The following MYH11 variants were observed in gnomAD, a reference collection of about 807,000 sequenced individuals.
The protein encoded by MYH11 is myosin-11.
A neutral mutation model predicts 246.6 loss-of-function variants in MYH11; 80 were observed. That is an observed-to-expected ratio of 0.32 (90% confidence interval 0.27 to 0.39). The LOEUF (loss-of-function observed/expected upper bound fraction) is 0.39, where lower values mean the gene tolerates loss of function less well. MYH11 is among the 10% of genes least tolerant of loss of function. The pLI, the probability that MYH11 is intolerant of heterozygous loss-of-function variation, is 1.00. For missense variants in MYH11, 2,158 were observed against 2,546.8 expected, an observed-to-expected ratio of 0.85 and a Z score of 3.29; for synonymous variants, 1,071 against 1,015.5, an observed-to-expected ratio of 1.05 and a Z score of -1.04.
intron 7 of MYH11, 87 bp from the exon 8 acceptor site, chr16:15,776,263 T>G: frequency 1.1e-6 from 1 of 893,748 alleles, no homozygotes; most frequent in South Asian, 1.3e-5. Flanking sequence ...CCAATTCACA[T>G]GGGATGACTT....
intron 1 of MYH11, among the ~76,000 whole-genome samples, chr16:15,845,577 G>A (rs1268252762): frequency 3.9e-5 from 6 of 152,138 alleles, no homozygotes; most frequent in Admixed American, 2.0e-4. Context: ...GATACGACGC[G>A]TCTTCTTTTA....
chr16:15,753,827 T>C (rs1249713780), intron 14 of MYH11, among the ~76,000 whole-genome samples: 1 of 152,094 alleles, frequency 6.6e-6, no homozygotes, highest in Non-Finnish European at 1.5e-5. Flanking sequence ...TTATACACTA[T>C]TAAGAGATTT....
At chr16:15,828,665 C>T (rs999077855) in intron 2 of MYH11, among the ~76,000 whole-genome samples, 8 of 150,460 alleles carry the variant, frequency 5.3e-5, no homozygotes, top group African/African-American at 1.2e-4. Context: ...TGATGGCAGG[C>T]GCCTGTAATC....
chr16:15,748,013 C>G, intron 17 of MYH11, 34 bp downstream of exon 17: 1 of 1,614,212 alleles, frequency 6.2e-7, no homozygotes, highest in Non-Finnish European at 8.5e-7. Flanking sequence ...CCCGCTCACC[C>G]CCTGCCCTAC....
At position 15,724,644 on chromosome 16, in the gene MYH11, C is replaced by A; in HGVS notation, c.4116+3G>T. On this transcript the variant is annotated splice_donor_region_variant and intron_variant, in intron 30 of 40. Coordinates refer to ENST00000300036, the MANE Select transcript of MYH11 (RefSeq NM_002474.3). Reference sequence around the variant, plus strand: ...GAAGGAAGCAAGGACACGGGGCAGGCACCTGGATGTTGAGAGTGGAGATGT... The same window carrying A: ...GAAGGAAGCAAGGACACGGGGCAGGAACCTGGATGTTGAGAGTGGAGATGT... The A allele has an allele frequency of 6.2e-7, 1 of 1,613,944 alleles. No individual in the cohort carries two copies. Among genetic ancestry groups the A allele is most frequent in the Non-Finnish European group, 8.5e-7 (1 of 1,180,022 alleles).
intron 20 of MYH11, among the ~76,000 whole-genome samples, chr16:15,744,517 A>G (rs943240455): frequency 6.7e-6 from 1 of 149,078 alleles, no homozygotes; most frequent in Non-Finnish European, 1.5e-5. Context: ...AAAAAAAAAG[A>G]AAGAAGAGAC....
intron 2 of MYH11, among the ~76,000 whole-genome samples, chr16:15,826,327 A>G (rs2043564362): frequency 6.6e-6 from 1 of 151,892 alleles, no homozygotes; most frequent in African/African-American, 2.4e-5. Context: ...GTGGCTCACA[A>G]CTGTAATCCC....
chr16:15,785,898 AGG>A (rs199835683), intron 5 of MYH11: 213 of 159,940 alleles, frequency 1.3e-3, no homozygotes, highest in African/African-American at 4.8e-3. Context: ...GCTCTTCCAC[AGG>A]TCTGGAAGCT....
At chr16:15,800,475 G>T (rs2042856502) in intron 3 of MYH11, among the ~76,000 whole-genome samples, 1 of 149,848 alleles carries the variant, frequency 6.7e-6, no homozygotes, top group Admixed American at 6.6e-5. Context: ...TGGGTAGATG[G>T]GTGGGTATAT....
intron 34 of MYH11, 83 bp downstream of exon 34, chr16:15,720,068 G>T: frequency 6.3e-7 from 1 of 1,584,902 alleles, no homozygotes; most frequent in South Asian, 1.1e-5. Flanking sequence ...CTTGCTTCCT[G>T]GAGCCCGCTC....
intron 27 of MYH11, 38 bp downstream of exon 27, chr16:15,732,526 A>T (rs1487652099): frequency 6.2e-7 from 1 of 1,613,878 alleles, no homozygotes. Context: ...TGTCACTCTT[A>T]TGTGTCATCA....
In MYH11 at chr16:15,735,598, C is replaced by T; in HGVS notation, c.3294-20G>A. ...TCAAGCCTTCCAGGGAGAGACCCAG[C>T]AGAATGAACCCCCAGGTCCCTTGGT... On this transcript the variant is annotated intron_variant, in intron 25 of 40. Transcript: ENST00000300036. 6.2e-7 allele frequency: 1 copy of T among 1,613,624 alleles called. No homozygotes were observed. The highest frequency in any genetic ancestry group is 8.5e-7 in the Non-Finnish European group (1 of 1,179,550).
chr16:15,737,070 G>T (rs2041138555), intron 25 of MYH11, among the ~76,000 whole-genome samples: 1 of 152,220 alleles, frequency 6.6e-6, no homozygotes, highest in Admixed American at 6.6e-5. Flanking sequence ...AGGGGCTGGG[G>T]AAAGGAAGGT....
In MYH11 at chr16:15,718,441, G is replaced by A. The variant is rs979879255; in HGVS notation, c.5172-3C>T. The A allele has an allele frequency of 8.3e-6, 13 of 1,558,694 alleles. No homozygotes were observed. In the African/African-American group the frequency reaches 1.2e-4, roughly 15 times the overall value. ...GCTTCTCGTCCTGGAGTGCGTTCCT[G>A]GGGGAAGGGCGGCCATGGTGGGGGC... On this transcript the variant is annotated splice_region_variant and splice_polypyrimidine_tract_variant and intron_variant, in intron 36 of 40. Transcript: ENST00000300036.
chr16:15,704,851 T>C (rs777079903), intron 40 of MYH11, among the ~76,000 whole-genome samples: 2 of 152,224 alleles, frequency 1.3e-5, no homozygotes, highest in Non-Finnish European at 2.9e-5. Flanking sequence ...GGTGGATTAT[T>C]TTATTAAATT....
chr16:15,851,681 A>G (rs1476392014), intron 1 of MYH11, among the ~76,000 whole-genome samples: 1 of 152,088 alleles, frequency 6.6e-6, no homozygotes, highest in Non-Finnish European at 1.5e-5. Context: ...TACAGGAAAA[A>G]AAGTGAATGG....
chr16:15,719,400 C>G lies in MYH11; in HGVS notation c.5083-92G>C, dbSNP rs2040346946. 4 of 1,498,734 alleles carry G rather than the reference C, an allele frequency of 2.7e-6. No homozygotes were observed. The African/African-American group carries it at 5.5e-5, about 21-fold the overall frequency. The allele number at this position is 1,498,734 out of a possible 1,614,324, so 92.8% of individuals were successfully genotyped here. A position where few individuals can be genotyped will look rare whatever the true frequency, so the allele number is the denominator to read the frequency against. ...GACAACTCAGCCACCCTTGAAAGTA[C>G]ATGTTCTTCCTCTGAGCTCAGGGGA... On this transcript the variant is annotated intron_variant, in intron 35 of 40. Transcript: ENST00000300036.
chr16:15,764,639 T>C (rs950591192), intron 9 of MYH11, among the ~76,000 whole-genome samples: 4 of 152,132 alleles, frequency 2.6e-5, no homozygotes, highest in Non-Finnish European at 4.4e-5. Flanking sequence ...TGATTATCCT[T>C]AATTGAGGGA....
chr16:15,811,967 G>A (rs962874866), intron 3 of MYH11, among the ~76,000 whole-genome samples: 1 of 152,156 alleles, frequency 6.6e-6, no homozygotes, highest in Non-Finnish European at 1.5e-5. Context: ...GGGACCCATG[G>A]AGGGGCTCCA....
Sources: gnomAD v4.1 joint callset for allele counts (sites outside exome capture counted in the v4.1 genomes callset) on GRCh38, gnomAD v4.1.1 for gene constraint, MANE v1.5 for transcripts, NCBI Gene and HGNC (gene_info 2026-07-23, HGNC 2026-07-21) for gene names.